The following PTPRG variants were observed in gnomAD, a reference collection of about 807,000 sequenced individuals.
PTPRG encodes protein tyrosine phosphatase receptor type G.
Under a neutral mutation model 165.3 loss-of-function variants are expected in PTPRG, and 102 were observed. The ratio of observed to expected loss-of-function variants is 0.62; its 90% CI spans 0.53 to 0.73. The LOEUF (loss-of-function observed/expected upper bound fraction) is 0.73. Ranked by LOEUF, PTPRG falls within the 30% of genes least tolerant of loss-of-function variation. The probability of loss-of-function intolerance (pLI) is 0.00; values close to 1 mark genes in which losing one functional copy is unlikely to be tolerated. For missense variants in PTPRG, 1,866 were observed against 1,861.4 expected (o/e 1.00, Z -0.05); for synonymous variants, 675 against 669.5 (o/e 1.01, Z -0.13).
At chr3:62,116,598 G>A (rs1260677052) in intron 5 of PTPRG, among the ~76,000 whole-genome samples, 4 of 152,174 alleles carry the variant, frequency 2.6e-5, no homozygotes, top group African/African-American at 9.7e-5. Context: ...AATGCCTATG[G>A]AATATGGGGC....
chr3:62,114,612 A>G (rs1486651626), intron 5 of PTPRG, among the ~76,000 whole-genome samples: 1 of 152,180 alleles, frequency 6.6e-6, no homozygotes, highest in Non-Finnish European at 1.5e-5. Context: ...AGGAATGTTA[A>G]CCTCTAAACA....
At chr3:61,641,297 A>G (rs1702052842) in intron 1 of PTPRG, among the ~76,000 whole-genome samples, 2 of 152,256 alleles carry the variant, frequency 1.3e-5, no homozygotes, top group East Asian at 1.9e-4. Flanking sequence ...TGCAGCAGTG[A>G]ATGGAAACAG....
At chr3:61,686,889 A>C (rs1703650042) in intron 1 of PTPRG, among the ~76,000 whole-genome samples, 1 of 152,202 alleles carries the variant, frequency 6.6e-6, no homozygotes, top group Non-Finnish European at 1.5e-5. Flanking sequence ...GCATCATGGT[A>C]TTAATGGTTG....
At chr3:62,178,792 C>T in intron 8 of PTPRG, among the ~76,000 whole-genome samples, 1 of 152,222 alleles carries the variant, frequency 6.6e-6, no homozygotes, top group East Asian at 1.9e-4. Flanking sequence ...TCAAGGCCAA[C>T]TTAGCAACCC....
intron 2 of PTPRG, among the ~76,000 whole-genome samples, chr3:61,953,316 A>G (rs2039942358): frequency 6.6e-6 from 1 of 152,198 alleles, no homozygotes; most frequent in African/African-American, 2.4e-5. Flanking sequence ...GAAAGGGGCA[A>G]AAATAGAGAG....
intron 8 of PTPRG, among the ~76,000 whole-genome samples, chr3:62,169,129 A>G (rs1013608554): frequency 1.1e-4 from 16 of 152,182 alleles, no homozygotes; most frequent in African/African-American, 3.9e-4. Context: ...ATAGCGGGAT[A>G]TGGCGGGCCA....
rs1020403158 is a variant in PTPRG, at chr3:62,067,677, G to A, written c.520-10486G>A. 1.3e-4 allele frequency among the ~76,000 whole-genome samples: 20 copies of A among 152,218 alleles called. No homozygotes were observed. In the East Asian group the frequency reaches 1.5e-3, roughly 12 times the overall value. On this transcript the variant is annotated intron_variant, in intron 4 of 29. Transcript: ENST00000474889. ...CAGGCATTAGATTCTCATTAGGAGCGTGCAACCTGGATTCCTTGCATGCGC... is the reference window on the plus strand; with the variant it reads ...CAGGCATTAGATTCTCATTAGGAGCATGCAACCTGGATTCCTTGCATGCGC...
intron 2 of PTPRG, among the ~76,000 whole-genome samples, chr3:61,791,016 G>C (rs2034853212): frequency 6.6e-6 from 1 of 152,094 alleles, no homozygotes; most frequent in Non-Finnish European, 1.5e-5. Flanking sequence ...CTGTGGTTAA[G>C]GTAAAGATGT....
rs1242876450 is a variant in PTPRG at position 62,195,262 on chromosome 3, TACAA to T, written c.1327+97_1327+100del. 1.7e-6 allele frequency: 2 copies of T among 1,149,174 alleles called. No individual in the cohort carries two copies. Among genetic ancestry groups the T allele is most frequent in the African/African-American group, 3.1e-5 (2 of 65,394 alleles). 71.2% of individuals were successfully genotyped at this position (1,149,174 alleles called of 1,614,324 possible). A position where few individuals can be genotyped will look rare whatever the true frequency, so the allele number is the denominator to read the frequency against. Reference sequence around the variant, plus strand: ...TTCCTGCTCAGGTGCTGGGGAAAAATACAAACAAGCCTGGCAGAAGAATCAGTGT... The same window carrying T: ...TTCCTGCTCAGGTGCTGGGGAAAAATACAAGCCTGGCAGAAGAATCAGTGT... On this transcript the variant is annotated intron_variant, in intron 10 of 29. Transcript: ENST00000474889. The surrounding 1 kb of genome is among the most constrained non-coding windows in gnomAD (Gnocchi z 4.4).
chr3:62,169,478 C>G (rs1051291881), intron 8 of PTPRG, among the ~76,000 whole-genome samples: 2 of 152,032 alleles, frequency 1.3e-5, no homozygotes, highest in Non-Finnish European at 2.9e-5. Context: ...TTTTCCATCT[C>G]TACTTGCTCA....
intron 2 of PTPRG, among the ~76,000 whole-genome samples, chr3:61,776,265 C>T (rs1452277611): frequency 6.6e-6 from 1 of 151,938 alleles, no homozygotes; most frequent in South Asian, 2.1e-4. Context: ...AGTCTTTGGT[C>T]AGTTTATTTC....
At chr3:61,939,216 T>A (rs2039552736) in intron 2 of PTPRG, among the ~76,000 whole-genome samples, 1 of 152,206 alleles carries the variant, frequency 6.6e-6, no homozygotes, top group Admixed American at 6.5e-5. Flanking sequence ...CACTGTTTTC[T>A]GATAGAAAGC....
intron 1 of PTPRG, among the ~76,000 whole-genome samples, chr3:61,665,526 T>C (rs1368646108): frequency 1.3e-5 from 2 of 150,522 alleles, no homozygotes; most frequent in Non-Finnish European, 2.9e-5. Flanking sequence ...ATTGAAGACT[T>C]TGTTTTTCTA....
rs112522259 is a variant in PTPRG at position 62,277,419 on chromosome 3, T to C, written c.3637-132T>C. The C allele has an allele frequency of 4.9e-6, 5 of 1,029,960 alleles. No homozygotes were observed. In the Admixed American group the frequency reaches 9.7e-5, roughly 20 times the overall value. 63.8% of individuals were successfully genotyped at this position (1,029,960 alleles called of 1,614,324 possible). The stretch of plus-strand genomic sequence containing the variant: ...AGTACATCTAAAAATTAGCCAAATG[T>C]ACCGAATGCCTTTCTCAATTATTTT... On this transcript the variant is annotated intron_variant, in intron 25 of 29. Transcript: ENST00000474889.
intron 2 of PTPRG, among the ~76,000 whole-genome samples, chr3:61,791,561 A>G (rs1409748471): frequency 2.0e-5 from 3 of 152,050 alleles, no homozygotes; most frequent in African/African-American, 2.4e-5. Flanking sequence ...TATCTCGGGT[A>G]ACTGCAACCT....
At chr3:61,653,526 T>C (rs1702418793) in intron 1 of PTPRG, among the ~76,000 whole-genome samples, 1 of 152,294 alleles carries the variant, frequency 6.6e-6, no homozygotes, top group East Asian at 1.9e-4. Context: ...CATGAGACTG[T>C]ATGCCAGGCA....
At chr3:61,976,950 A>G (rs2040522933) in intron 2 of PTPRG, among the ~76,000 whole-genome samples, 1 of 152,088 alleles carries the variant, frequency 6.6e-6, no homozygotes, top group South Asian at 2.1e-4. Context: ...TGCTGCAATT[A>G]CAGGTGTGAG....
chr3:62,212,960 A>G (rs2087624810), intron 12 of PTPRG, among the ~76,000 whole-genome samples: 1 of 152,148 alleles, frequency 6.6e-6, no homozygotes, highest in Admixed American at 6.5e-5. Context: ...AAACTACATC[A>G]TCTGGATGAA....
At chr3:62,262,620 CT>C in intron 16 of PTPRG, 177 bp from the exon 17 acceptor site, 1 of 449,854 alleles carries the variant, frequency 2.2e-6, no homozygotes, top group South Asian at 5.7e-5. Flanking sequence ...ATCTTTATAC[CT>C]TTTTCACATT....
Sources: gnomAD v4.1 joint callset for allele counts (sites outside exome capture counted in the v4.1 genomes callset) on GRCh38, gnomAD v4.1.1 for gene constraint, Gnocchi (gnomAD v3.1) non-coding constraint, MANE v1.5 for transcripts, NCBI Gene and HGNC (gene_info 2026-07-23, HGNC 2026-07-21) for gene names.